Variants in MS4A4A observed in about 807,000 individuals in gnomAD.
The protein encoded by MS4A4A is membrane spanning 4-domains A4A, also known as membrane-spanning 4-domains subfamily A member 4A.
MS4A4A carries 26 observed loss-of-function variants against 28.0 expected under a neutral mutation model. That is an observed-to-expected ratio of 0.93 (90% CI 0.68 to 1.29). The LOEUF (loss-of-function observed/expected upper bound fraction) is 1.29. MS4A4A is among the 50% of genes most tolerant of loss of function. The probability of loss-of-function intolerance (pLI) is 0.00; values close to 1 mark genes in which losing one functional copy is unlikely to be tolerated. For synonymous variants in MS4A4A, 86 were observed against 100.8 expected (o/e 0.85, Z 0.88); for missense variants, 290 against 293.1 (o/e 0.99, Z 0.08).
intron 4 of MS4A4A, among the ~76,000 whole-genome samples, chr11:60,302,114 C>A (rs1026653969): frequency 6.6e-6 from 1 of 152,104 alleles, no homozygotes; most frequent in African/African-American, 2.4e-5. Flanking sequence ...GCCTCCTTAC[C>A]TTTATCCATG....
At chr11:60,307,274 G>A (rs1015314660) in intron 6 of MS4A4A, among the ~76,000 whole-genome samples, 1 of 152,158 alleles carries the variant, frequency 6.6e-6, no homozygotes, top group African/African-American at 2.4e-5. Context: ...TCACAGAAGA[G>A]TGGGGGTTCC....
At chr11:60,297,054 A>G (rs1328677585) in intron 2 of MS4A4A, 143 bp from the exon 3 acceptor site, 1 of 968,926 alleles carries the variant, frequency 1.0e-6, no homozygotes, top group African/African-American at 1.7e-5. Context: ...TTTATGTGAA[A>G]AAAGAGTGAT....
intron 1 of MS4A4A, chr11:60,290,000 T>C (rs982710395): frequency 6.5e-5 from 23 of 353,888 alleles, no homozygotes; most frequent in Non-Finnish European, 2.4e-5. Context: ...TTACATATTC[T>C]ATATGTGATA....
In MS4A4A at chr11:60,306,194, C is replaced by T. The variant is rs368756534; in HGVS notation, c.641C>T (p.Pro214Leu). The change falls in exon 6 of 7, where the codon CCT becomes CTT. Residue 214 changes from proline (P) to leucine (L), a missense_variant. Transcript: ENST00000337908. ...AFGCKVLCCT[P>L]GGVVLILPSH... Reference sequence around the variant, plus strand: ...GGATGTAAAGTGCTCTGTTGTACCCCTGGTGGGGTGAGTATTGGCCTTCAT... The same window carrying T: ...GGATGTAAAGTGCTCTGTTGTACCCTTGGTGGGGTGAGTATTGGCCTTCAT... 24 of 1,612,308 alleles carry T rather than the reference C, an allele frequency of 1.5e-5. No individual in the cohort carries two copies. Among genetic ancestry groups the T allele is most frequent in the Non-Finnish European group, 1.9e-5 (22 of 1,178,480 alleles).
chr11:60,297,290 G>T lies in MS4A4A; in HGVS notation c.295G>T (p.Val99Leu). 1 of 1,613,280 alleles carries T rather than the reference G, an allele frequency of 6.2e-7. No homozygotes were observed. The highest frequency in any genetic ancestry group is 2.2e-5 in the East Asian group (1 of 44,852). The part of the protein sequence containing the change: ...SNTYGSNPIS[V>L]YIGYTIWGSV... The stretch of plus-strand genomic sequence containing the variant: ...TACTTATGGAAGTAACCCTATTTCC[G>T]TGTATATCGGGTACACAATTTGGGG... The change falls in exon 3 of 7, where the codon GTG becomes TTG. Residue 99 changes from valine to leucine, a missense_variant. Val to Leu is a conservative substitution (Grantham distance 32). Coordinates refer to ENST00000337908, the MANE Select transcript of MS4A4A (RefSeq NM_148975.3).
At chr11:60,305,798 T>C (rs1012384725) in intron 5 of MS4A4A, 1 of 306,260 alleles carries the variant, frequency 3.3e-6, no homozygotes, top group African/African-American at 2.1e-5. Context: ...CTCAATAGGA[T>C]ATGATGACAA....
chr11:60,284,698 G>A (rs1433757084), intron 1 of MS4A4A, among the ~76,000 whole-genome samples: 1 of 152,180 alleles, frequency 6.6e-6, no homozygotes, highest in Non-Finnish European at 1.5e-5. Flanking sequence ...TGGAGTTTAT[G>A]AGGTGGGTTA....
At chr11:60,296,035 A>G (rs1200854006) in intron 2 of MS4A4A, among the ~76,000 whole-genome samples, 1 of 151,906 alleles carries the variant, frequency 6.6e-6, no homozygotes, top group African/African-American at 2.4e-5. Context: ...CTCTGTTTCT[A>G]TTTTCTGTAA....
At chr11:60,290,165 C>A in intron 1 of MS4A4A, 1 of 404,342 alleles carries the variant, frequency 2.5e-6, no homozygotes, top group Non-Finnish European at 5.1e-6. Context: ...CTACTGACTT[C>A]GATGATTCTC....
rs543428095 is a variant in MS4A4A at position 60,287,282 on chromosome 11, G to A, written c.42-4943G>A. Among the ~76,000 whole-genome samples, 4 of 152,320 alleles carry A rather than the reference G, an allele frequency of 2.6e-5. No homozygotes were observed. In the East Asian group the frequency reaches 5.8e-4, roughly 22 times the overall value. On this transcript the variant is annotated intron_variant, in intron 1 of 6. Transcript: ENST00000337908. ...TAGAGGCTGGGAAGTCTAAAGGCAT[G>A]CATGGTGTAAACCTCTAGTGAGGAT... is the stretch of plus-strand genomic sequence containing the variant.
intron 4 of MS4A4A, among the ~76,000 whole-genome samples, chr11:60,302,010 C>T (rs766890107): frequency 1.4e-4 from 21 of 152,132 alleles, no homozygotes; most frequent in Non-Finnish European, 2.9e-4. Context: ...AAACTCCTGA[C>T]CTCAGATTAT....
chr11:60,303,314 A>G (rs977219007), intron 5 of MS4A4A, among the ~76,000 whole-genome samples: 11 of 152,242 alleles, frequency 7.2e-5, no homozygotes, highest in African/African-American at 2.7e-4. Flanking sequence ...TTTTGTAGGT[A>G]GTAAAACTTC....
chr11:60,292,240 C>T lies in MS4A4A; in HGVS notation c.57C>T (p.Ala19=), dbSNP rs1186693872. 6.4e-6 allele frequency: 10 copies of T among 1,557,498 alleles called. No individual in the cohort carries two copies. Among genetic ancestry groups the T allele is most frequent in the Non-Finnish European group, 8.6e-6 (10 of 1,158,332 alleles). ...CTTATTGTAGCACCTTTTCTGCTGC[C>T]ATGACAACCATGCAAGGAATGGAAC... The part of the protein sequence containing the change: ...CRPEESTFSA[A]MTTMQGMEQA... The change falls in exon 2 of 7, where the codon GCC becomes GCT. Residue 19 remains alanine (A), a synonymous_variant. Transcript: ENST00000337908.
At chr11:60,290,202 C>A in intron 1 of MS4A4A, 1 of 343,144 alleles carries the variant, frequency 2.9e-6, no homozygotes, top group Non-Finnish European at 6.2e-6. Context: ...AGGGAAGTGA[C>A]AGTTATCAAC....
chr11:60,301,032 C>T lies in MS4A4A; in HGVS notation c.362C>T (p.Ala121Val). ...FIISGSLSIA[A>V]GIRTTKGLVR... The stretch of plus-strand genomic sequence containing the variant: ...ATTTCAGGATCCTTGTCAATTGCAG[C>T]AGGAATTAGAACTACAAAAGGCCTG... Residue 121 changes from alanine (A) to valine (V), a missense_variant, in exon 4 of 7, where the codon GCA (alanine) becomes GTA (valine). Coordinates refer to ENST00000337908, the MANE Select transcript of MS4A4A (RefSeq NM_148975.3). 1.2e-6 allele frequency: 2 copies of T among 1,601,148 alleles called. No individual in the cohort carries two copies. The highest frequency in any genetic ancestry group is 1.7e-6 in the Non-Finnish European group (2 of 1,175,994).
At chr11:60,296,360 C>G (rs1212000633) in intron 2 of MS4A4A, among the ~76,000 whole-genome samples, 1 of 151,888 alleles carries the variant, frequency 6.6e-6, no homozygotes, top group Non-Finnish European at 1.5e-5. Context: ...CTCTCTTTTT[C>G]TTAGGCTGGC....
At chr11:60,282,463 C>A in intron 1 of MS4A4A, 2 of 728,194 alleles carry the variant, frequency 2.7e-6, no homozygotes, top group Non-Finnish European at 3.9e-6. Context: ...CCGTCATAGG[C>A]TGACTAATCC....
chr11:60,295,566 C>T (rs1332813914), intron 2 of MS4A4A, among the ~76,000 whole-genome samples: 1 of 152,080 alleles, frequency 6.6e-6, no homozygotes, highest in Non-Finnish European at 1.5e-5. Flanking sequence ...TGCCTTGTTC[C>T]TGATCTTAGT....
intron 6 of MS4A4A, among the ~76,000 whole-genome samples, chr11:60,307,504 AAGCTTGTGTTCCCTTC>A (rs2085014368): frequency 6.6e-6 from 1 of 152,104 alleles, no homozygotes; most frequent in Non-Finnish European, 1.5e-5. Flanking sequence ...CATAATATTT[AAGCTTGTGTTCCCTTC>A]AGCTCTTAGC....
Sources: gnomAD v4.1 joint callset for allele counts (sites outside exome capture counted in the v4.1 genomes callset) on GRCh38, gnomAD v4.1.1 for gene constraint, MANE v1.5 for transcripts, NCBI Gene and HGNC (gene_info 2026-07-23, HGNC 2026-07-21) for gene names.